PUM1: variants seen among roughly 807,000 people sequenced by gnomAD.
The protein encoded by PUM1 is pumilio RNA binding family member 1, also known as pumilio homolog 1.
In PUM1, 13 loss-of-function variants were observed where a neutral mutation model predicts 131.8. That is an observed-to-expected ratio of 0.10 (90% CI 0.06 to 0.16). The LOEUF is 0.16. Ranked by LOEUF, PUM1 falls within the 10% of genes least tolerant of loss-of-function variation. PUM1 has a pLI of 1.00. For synonymous variants in PUM1, 509 were observed against 556.5 expected, an observed-to-expected ratio of 0.91 and a Z score of 1.20; for missense variants, 961 against 1,512.4, an observed-to-expected ratio of 0.64 and a Z score of 6.05.
At chr1:30,951,400 G>C (rs1453706806) in intron 16 of PUM1, among the ~76,000 whole-genome samples, 1 of 152,132 alleles carries the variant, frequency 6.6e-6, no homozygotes, top group East Asian at 1.9e-4. Flanking sequence ...AAAAAACTTG[G>C]GAAGGTAAAA....
Position 30,966,218 on chromosome 1 carries a change from T to C in PUM1, c.1850A>G (p.Asn617Ser), listed in dbSNP as rs150010288. ...GAAGGLAGTTNGPFRPLGTQQ... is the reference protein window; with the variant it reads ...GAAGGLAGTTSGPFRPLGTQQ... ...TGTTCCTAAAGGGCGAAATGGTCCATTTGTTGTTCCAGCAAGACCACCAGC... is the reference window on the plus strand; with the variant it reads ...TGTTCCTAAAGGGCGAAATGGTCCACTTGTTGTTCCAGCAAGACCACCAGC... Residue 617 changes from asparagine to serine, a missense_variant, in exon 13 of 22, where the codon AAT becomes AGT. Asn to Ser is a conservative substitution (Grantham distance 46, BLOSUM62 1). This residue lies in a region of PUM1 where 654 missense variants were observed against 923.9 expected (regional missense o/e 0.71). Transcript: ENST00000426105. The C allele has an allele frequency of 2.5e-4, 399 of 1,613,668 alleles. 1 individual carries two copies. In the African/African-American group the frequency reaches 5.0e-3, roughly 20 times the overall value.
chr1:30,933,439 T>TACACATACAC (rs1553142806), intron 21 of PUM1, 97 bp from the exon 22 acceptor site: 11 of 363,892 alleles, frequency 3.0e-5, no homozygotes, highest in South Asian at 7.7e-5. Context: ...CACACACACA[T>TACACATACAC]ACACACACAC....
intron 2 of PUM1, among the ~76,000 whole-genome samples, chr1:31,050,028 ACCATGTTGGCCAGGCTGGT>A (rs1455039050): frequency 6.6e-6 from 1 of 151,448 alleles, no homozygotes; most frequent in Admixed American, 6.6e-5. Flanking sequence ...ACGGGGTTTC[ACCATGTTGGCCAGGCTGGT>A]CTCAAACTCC....
In PUM1 at chr1:30,966,007, G is replaced by A. The variant is rs777435166; in HGVS notation, c.2061C>T (p.Ser687=). ...CTGCTGTTCCAAACCCTCCAAGGGC[G>A]GATCCCAGGGTGGCGCCGAGAGAAC... The part of the protein sequence containing the change: ...SSSSLGATLG[S]ALGGFGTAVA... Residue 687 remains serine (S), a synonymous_variant, in exon 13 of 22, where the codon TCC becomes TCT. Coordinates refer to ENST00000426105, the MANE Select transcript of PUM1 (RefSeq NM_001020658.2). The A allele has an allele frequency of 1.4e-5, 23 of 1,613,852 alleles. No homozygotes were observed. The highest frequency in any genetic ancestry group is 1.6e-5 in the Non-Finnish European group (19 of 1,179,950).
At chr1:31,041,097 T>C (rs1203701515) in intron 2 of PUM1, among the ~76,000 whole-genome samples, 14 of 152,116 alleles carry the variant, frequency 9.2e-5, no homozygotes, top group Admixed American at 9.2e-4. Context: ...GGCAGAAATC[T>C]AGGATAGCTC....
chr1:30,968,470 T>C lies in PUM1; in HGVS notation c.1529A>G (p.Gln510Arg), dbSNP rs987117858. Residue 510 changes from glutamine (Q) to arginine (R), a missense_variant, in exon 11 of 22, where the codon CAA becomes CGA. Transcript: ENST00000426105. Reference sequence around the variant, plus strand: ...GTTCTGGTTTGGGGTCAAAGGACGTTGGCTGGCTCCTCCACGGAGAACCTG... The same window carrying C: ...GTTCTGGTTTGGGGTCAAAGGACGTCGGCTGGCTCCTCCACGGAGAACCTG... Reference protein sequence around the residue: ...QQQVLRGGASQRPLTPNQNQQ... With the variant: ...QQQVLRGGASRRPLTPNQNQQ... The C allele has an allele frequency of 6.3e-7, 1 of 1,591,088 alleles. No individual in the cohort carries two copies. Among genetic ancestry groups the C allele is most frequent in the Non-Finnish European group, 8.5e-7 (1 of 1,174,138 alleles).
At chr1:30,959,886 G>A (rs1420717644) in intron 14 of PUM1, among the ~76,000 whole-genome samples, 1 of 146,272 alleles carries the variant, frequency 6.8e-6, no homozygotes, top group South Asian at 2.1e-4. Flanking sequence ...CACCCTGGGA[G>A]ACAGACCAAG....
At chr1:30,946,557 A>G (rs769108459) in intron 17 of PUM1, among the ~76,000 whole-genome samples, 1 of 151,046 alleles carries the variant, frequency 6.6e-6, no homozygotes, top group Non-Finnish European at 1.5e-5. Context: ...GAATTTCTTG[A>G]ACCGTGGAGG....
chr1:31,015,211 T>C (rs923253347), intron 3 of PUM1, among the ~76,000 whole-genome samples: 4 of 152,252 alleles, frequency 2.6e-5, no homozygotes, highest in African/African-American at 4.8e-5. Flanking sequence ...ATTCAAAATA[T>C]ACTTTTGTTA....
At chr1:30,950,074 T>G in intron 17 of PUM1, 53 bp downstream of exon 17, 2 of 1,581,184 alleles carry the variant, frequency 1.3e-6, no homozygotes, top group Non-Finnish European at 1.7e-6. Flanking sequence ...GTTCACTACA[T>G]GTACCATGGA....
At chr1:31,046,193 C>G (rs964692956) in intron 2 of PUM1, among the ~76,000 whole-genome samples, 51 of 152,088 alleles carry the variant, frequency 3.4e-4, no homozygotes, top group African/African-American at 1.1e-3. Flanking sequence ...TCGAAACCAG[C>G]CTCACCAAGA....
At chr1:30,967,354 C>T (rs775826816) in intron 11 of PUM1, 44 bp from the exon 12 acceptor site, 4 of 1,570,532 alleles carry the variant, frequency 2.5e-6, no homozygotes, top group Middle Eastern at 1.7e-4. Flanking sequence ...GTTAAACAAA[C>T]AAGTATCTCC....
intron 8 of PUM1, 111 bp from the exon 9 acceptor site, chr1:30,980,274 AAAAAG>A: frequency 1.2e-6 from 1 of 849,568 alleles, no homozygotes; most frequent in Non-Finnish European, 1.9e-6. Context: ...GAAAAAATGA[AAAAAG>A]AGAAGACGGG....
At chr1:30,950,843 G>A (rs1639904175) in intron 16 of PUM1, among the ~76,000 whole-genome samples, 1 of 152,164 alleles carries the variant, frequency 6.6e-6, no homozygotes, top group South Asian at 2.1e-4. Flanking sequence ...CCTGCCCAAT[G>A]GAGCAAGACT....
chr1:31,034,672 G>A (rs1173574820), intron 2 of PUM1, among the ~76,000 whole-genome samples: 3 of 152,276 alleles, frequency 2.0e-5, no homozygotes, highest in South Asian at 4.1e-4. Context: ...AGAGTCCTTA[G>A]TGTTCTTTCA....
At chr1:30,975,652 G>A (rs61780460) in intron 9 of PUM1, among the ~76,000 whole-genome samples, 10,869 of 151,090 alleles carry the variant, frequency 0.072, 646 homozygotes, top group East Asian at 0.28. Context: ...ACCAGGCCTG[G>A]CCCCTATTTC....
chr1:31,033,817 T>G (rs1281631897), intron 2 of PUM1, among the ~76,000 whole-genome samples: 1 of 152,130 alleles, frequency 6.6e-6, no homozygotes, highest in African/African-American at 2.4e-5. Flanking sequence ...TAATTGTTTT[T>G]AATTTTTTTG....
chr1:30,992,905 CCCT>C (rs1179758502), intron 6 of PUM1, among the ~76,000 whole-genome samples: 1 of 152,148 alleles, frequency 6.6e-6, no homozygotes, highest in Non-Finnish European at 1.5e-5. Flanking sequence ...TAATTTACAT[CCCT>C]TCACCAAGGG....
intron 3 of PUM1, among the ~76,000 whole-genome samples, chr1:31,013,168 C>G (rs1051096877): frequency 6.6e-6 from 1 of 152,202 alleles, no homozygotes; most frequent in African/African-American, 2.4e-5. Context: ...GTACAAACCT[C>G]ATTACATTAA....
Sources: gnomAD v4.1 joint callset for allele counts (sites outside exome capture counted in the v4.1 genomes callset) on GRCh38, gnomAD v4.1.1 for gene constraint, gnomAD v4.1.1 regional missense constraint, MANE v1.5 for transcripts, NCBI Gene and HGNC (gene_info 2026-07-23, HGNC 2026-07-21) for gene names.